SLC22A11: variants seen among roughly 807,000 people sequenced by gnomAD.
SLC22A11 encodes the protein solute carrier family 22 member 11.
A neutral mutation model predicts 49.4 loss-of-function variants in SLC22A11; 42 were observed. The ratio of observed to expected loss-of-function variants is 0.85; its 90% CI spans 0.66 to 1.10. The LOEUF is 1.10. Among genes scored for constraint, SLC22A11 ranks in the 50% least tolerant of loss-of-function variants. The pLI, the probability that SLC22A11 is intolerant of heterozygous loss-of-function variation, is 0.00. For missense variants in SLC22A11, 685 were observed against 731.6 expected, an observed-to-expected ratio of 0.94 and a Z score of 0.74; for synonymous variants, 304 against 315.8, an observed-to-expected ratio of 0.96 and a Z score of 0.40.
rs904379356 is a variant in SLC22A11 at position 64,571,113 on chromosome 11, C to G, written c.*71C>G. ...GGAGTTGCCTCTTCTCCAATCAGAG[C>G]GTGGAGGCGAGTTGGGCGACTTCAA... On this transcript the variant is annotated 3_prime_UTR_variant, in exon 10 of 10. Transcript: ENST00000301891. 40 of 1,551,020 alleles carry G rather than the reference C, an allele frequency of 2.6e-5. No homozygotes were observed. Among genetic ancestry groups the G allele is most frequent in the Non-Finnish European group, 3.4e-5 (38 of 1,124,360 alleles).
Position 64,569,861 on chromosome 11 carries a change from G to T in SLC22A11, c.1589+3G>T. 1 of 1,612,164 alleles carries T rather than the reference G, an allele frequency of 6.2e-7. No individual in the cohort carries two copies. ...ACTATCCAGGACCTGGAGAGCCAGT[G>T]AGTGACCTGTGATCCCTGGGCATCG... On this transcript the variant is annotated splice_donor_region_variant and intron_variant, in intron 9 of 9. Coordinates refer to ENST00000301891, the MANE Select transcript of SLC22A11 (RefSeq NM_018484.4).
chr11:64,570,664 C>A (rs1285318403), intron 9 of SLC22A11, among the ~76,000 whole-genome samples: 2 of 152,158 alleles, frequency 1.3e-5, no homozygotes, highest in South Asian at 2.1e-4. Context: ...TTAATCGATA[C>A]AACAACCACA....
intron 1 of SLC22A11, among the ~76,000 whole-genome samples, chr11:64,558,773 G>A (rs180886820): frequency 2.0e-5 from 3 of 152,264 alleles, no homozygotes; most frequent in Non-Finnish European, 4.4e-5. Flanking sequence ...GCCAGGTACT[G>A]CCAGACACAG....
chr11:64,556,336 T>G lies in SLC22A11; in HGVS notation c.337T>G (p.Cys113Gly), dbSNP rs759233260. The G allele has an allele frequency of 9.9e-6, 16 of 1,613,326 alleles. No individual in the cohort carries two copies. In the South Asian group the frequency reaches 1.8e-4, roughly 18 times the overall value. The change falls in exon 1 of 10, where the codon TGT becomes GGT. Residue 113 changes from cysteine (C) to glycine (G), a missense_variant. Coordinates refer to ENST00000301891, the MANE Select transcript of SLC22A11 (RefSeq NM_018484.4). Reference protein sequence around the residue: ...TSWSEADTEPCVDGWVYDRSV... With the variant: ...TSWSEADTEPGVDGWVYDRSV... ...CTGGAGCGAAGCTGACACGGAGCCG[T>G]GTGTGGACGGCTGGGTCTATGACCG...
intron 1 of SLC22A11, among the ~76,000 whole-genome samples, chr11:64,558,333 C>T (rs1020193726): frequency 2.2e-4 from 33 of 152,158 alleles, no homozygotes; most frequent in African/African-American, 7.0e-4. Flanking sequence ...CAAGAAGTCA[C>T]TTTGCAGAGT....
rs1206155291 is a variant in SLC22A11 at position 64,562,222 on chromosome 11, A to G, written c.653-45A>G. 3 of 1,600,944 alleles carry G rather than the reference A, an allele frequency of 1.9e-6. No individual in the cohort carries two copies. The highest frequency in any genetic ancestry group is 2.6e-6 in the Non-Finnish European group (3 of 1,171,454). ...GGGGTGGCAGGAGAGAATGGGGCTC[A>G]GGCCGCCGCATGAGGCCTCACCTGC... On this transcript the variant is annotated intron_variant, in intron 3 of 9. Coordinates refer to ENST00000301891, the MANE Select transcript of SLC22A11 (RefSeq NM_018484.4). The surrounding 1 kb of genome is among the most constrained non-coding windows in gnomAD (Gnocchi z 4.4).
chr11:64,567,857 C>T (rs2038650228), intron 7 of SLC22A11, 44 bp downstream of exon 7: 2 of 1,532,358 alleles, frequency 1.3e-6, no homozygotes, highest in South Asian at 1.2e-5. Context: ...CCTGCTTCCC[C>T]GCCCACCCCA....
intron 4 of SLC22A11, among the ~76,000 whole-genome samples, chr11:64,563,008 C>T (rs752651832): frequency 3.7e-4 from 57 of 152,114 alleles, no homozygotes; most frequent in Non-Finnish European, 7.1e-4. Flanking sequence ...TTTTAGGGGC[C>T]GCAAAAATCC....
chr11:64,559,950 A>T (rs547203533), intron 2 of SLC22A11, among the ~76,000 whole-genome samples: 67 of 151,982 alleles, frequency 4.4e-4, no homozygotes, highest in African/African-American at 1.4e-3. Context: ...CTTCCAGAAC[A>T]TCCTCACTCC....
Position 64,567,758 on chromosome 11 carries a change from G to A in SLC22A11, c.1218G>A (p.Ala406=), listed in dbSNP as rs772735752. The A allele has an allele frequency of 6.2e-7, 1 of 1,612,674 alleles. No homozygotes were observed. Among genetic ancestry groups the A allele is most frequent in the Non-Finnish European group, 8.5e-7 (1 of 1,179,798 alleles). The change falls in exon 7 of 10, where the codon GCG becomes GCA. Residue 406 remains alanine (A), a synonymous_variant. Transcript: ENST00000301891. The part of the protein sequence containing the change: ...LSFLGRRTIQ[A]GSQAMAGLAI... ...TCCTTGGCCGCCGCACCATCCAGGC[G>A]GGTTCCCAGGCCATGGCCGGCCTCG...
chr11:64,557,318 G>C (rs1190015352), intron 1 of SLC22A11, among the ~76,000 whole-genome samples: 1 of 152,230 alleles, frequency 6.6e-6, no homozygotes, highest in African/African-American at 2.4e-5. Context: ...GGCAGTCAGG[G>C]TCTGGAGCCT....
rs773336714 is a variant in SLC22A11, at chr11:64,559,140, C to G, written c.399C>G (p.Asp133Glu). 6.2e-7 allele frequency: 1 copy of G among 1,613,252 alleles called. No homozygotes were observed. Among genetic ancestry groups the G allele is most frequent in the Non-Finnish European group, 8.5e-7 (1 of 1,179,386 alleles). ...VFTSTIVAKWDLVCSSQGLKP... is the reference protein window; with the variant it reads ...VFTSTIVAKWELVCSSQGLKP... ...ACTGCACCCTCCTCTTGCAGTGGGA[C>G]CTGGTGTGCAGCTCCCAGGGCTTGA... The change falls in exon 2 of 10, where the codon GAC (aspartate) becomes GAG (glutamate). Residue 133 changes from aspartate to glutamate, a missense_variant. Physicochemically the swap from Asp to Glu is conservative, Grantham distance 45. Coordinates refer to ENST00000301891, the MANE Select transcript of SLC22A11 (RefSeq NM_018484.4).
chr11:64,570,991 A>G lies in SLC22A11; in HGVS notation c.1602A>G (p.Ala534=). The G allele has an allele frequency of 6.2e-7, 1 of 1,614,254 alleles. No individual in the cohort carries two copies. Among genetic ancestry groups the G allele is most frequent in the African/African-American group, 1.3e-5 (1 of 75,064 alleles). Reference sequence around the variant, plus strand: ...TGGATTATTCTAGGAAATCAACAGCAGCCCAGGGCAACCGGCAAGAGGCCG... The same window carrying G: ...TGGATTATTCTAGGAAATCAACAGCGGCCCAGGGCAACCGGCAAGAGGCCG... ...IQDLESQKST[A]AQGNRQEAVT... is the part of the protein sequence containing the mutation. Residue 534 remains alanine, a synonymous_variant, in exon 10 of 10, where the codon GCA becomes GCG. Transcript: ENST00000301891.
chr11:64,567,842 C>A (rs749571952), intron 7 of SLC22A11, 29 bp downstream of exon 7: 5 of 1,545,314 alleles, frequency 3.2e-6, no homozygotes, highest in Admixed American at 1.9e-5. Context: ...GCGGTGGGAC[C>A]GGGCCCTGCT....
chr11:64,568,623 G>A (rs1483961235), intron 7 of SLC22A11, 47 bp from the exon 8 acceptor site: 1 of 1,530,886 alleles, frequency 6.5e-7, no homozygotes, highest in East Asian at 2.2e-5. Flanking sequence ...CTAGCCCCTG[G>A]GTACCCTCCA....
In SLC22A11 at chr11:64,562,506, T is replaced by C; in HGVS notation, c.821+71T>C. ...GGGGGACTCTTCACTTTCACCTCTC[T>C]GGCTGGCAGTAGGTCCAGAGACCTG... On this transcript the variant is annotated intron_variant, in intron 4 of 9. Transcript: ENST00000301891. The surrounding 1 kb of genome is among the most constrained non-coding windows in gnomAD (Gnocchi z 4.4). 6.9e-7 allele frequency: 1 copy of C among 1,452,468 alleles called. No homozygotes were observed. The highest frequency in any genetic ancestry group is 1.4e-5 in the South Asian group (1 of 70,008). The allele number at this position is 1,452,468 out of a possible 1,614,324, so 90.0% of individuals were successfully genotyped here.
At chr11:64,561,140 G>C (rs1330643118) in intron 2 of SLC22A11, among the ~76,000 whole-genome samples, 1 of 152,214 alleles carries the variant, frequency 6.6e-6, no homozygotes, top group Non-Finnish European at 1.5e-5. Context: ...AGACTCAGCC[G>C]GCCTGGAGGC....
At chr11:64,563,610 T>TAAAAAA (rs869085115) in intron 4 of SLC22A11, among the ~76,000 whole-genome samples, 770 of 43,838 alleles carry the variant, frequency 0.018, 131 homozygotes, top group African/African-American at 0.03. Flanking sequence ...TTAAATGTGC[T>TAAAAAA]AAAAAAAAAA....
chr11:64,559,877 A>G (rs1049038295), intron 2 of SLC22A11, among the ~76,000 whole-genome samples: 1 of 152,170 alleles, frequency 6.6e-6, no homozygotes, highest in Non-Finnish European at 1.5e-5. Flanking sequence ...GTACCAGGTG[A>G]CACTGAAGCC....
Sources: allele counts gnomAD v4.1 joint callset (sites outside exome capture counted in the v4.1 genomes callset), GRCh38; gene constraint gnomAD v4.1.1; non-coding constraint Gnocchi (gnomAD v3.1); transcripts MANE v1.5; gene names NCBI Gene and HGNC (gene_info 2026-07-23, HGNC 2026-07-21).